SSBP2: variants seen among roughly 807,000 people sequenced by gnomAD.
The protein encoded by SSBP2 is single-stranded DNA-binding protein 2.
Under a neutral mutation model 61.8 loss-of-function variants are expected in SSBP2, and 17 were observed. That is an observed-to-expected ratio of 0.28 (90% confidence interval 0.19 to 0.41). The LOEUF (loss-of-function observed/expected upper bound fraction) is 0.41, where lower values mean the gene tolerates loss of function less well. Among genes scored for constraint, SSBP2 ranks in the 10% least tolerant of loss-of-function variants. SSBP2 has a pLI of 1.00. For synonymous variants in SSBP2, 139 were observed against 141.3 expected (o/e 0.98, Z 0.12); for missense variants, 310 against 458.7 (o/e 0.68, Z 2.96).
rs188944976 is a variant in SSBP2 at position 81,614,911 on chromosome 5, G to T, written c.282+562C>A. On this transcript the variant is annotated intron_variant, in intron 4 of 16. Coordinates refer to ENST00000320672, the MANE Select transcript of SSBP2 (RefSeq NM_012446.5). Reference sequence around the variant, plus strand: ...CTCAAGCCAAGGACACTCCACTGCCGTTCCTTAAGAATTAAAAAAAAAATT... The same window carrying T: ...CTCAAGCCAAGGACACTCCACTGCCTTTCCTTAAGAATTAAAAAAAAAATT... 3.3e-5 allele frequency: 5 copies of T among 151,808 alleles called. No homozygotes were observed. The East Asian group carries it at 7.7e-4, about 23-fold the overall frequency. 9.4% of individuals were successfully genotyped at this position (151,808 alleles called of 1,614,324 possible).
intron 6 of SSBP2, among the ~76,000 whole-genome samples, chr5:81,483,828 G>C (rs1264421311): frequency 6.6e-6 from 1 of 151,852 alleles, no homozygotes; most frequent in African/African-American, 2.4e-5. Context: ...CTGCAACTGT[G>C]CTGTTCAAAT....
At chr5:81,681,376 C>T (rs1011385534) in intron 1 of SSBP2, among the ~76,000 whole-genome samples, 23 of 151,690 alleles carry the variant, frequency 1.5e-4, no homozygotes, top group African/African-American at 5.1e-4. Flanking sequence ...AAAAATTAGC[C>T]GGGTGTGGTG....
At chr5:81,560,427 C>A (rs1260787729) in intron 4 of SSBP2, among the ~76,000 whole-genome samples, 1 of 152,044 alleles carries the variant, frequency 6.6e-6, no homozygotes, top group Admixed American at 6.6e-5. Context: ...GCTTTTCATG[C>A]CAAAACAAGG....
At chr5:81,649,231 A>G (rs1716488328) in intron 2 of SSBP2, among the ~76,000 whole-genome samples, 1 of 152,120 alleles carries the variant, frequency 6.6e-6, no homozygotes, top group Admixed American at 6.6e-5. Flanking sequence ...CAAATTTCTT[A>G]TAAGAATTAG....
intron 1 of SSBP2, among the ~76,000 whole-genome samples, chr5:81,655,890 G>A (rs1354528595): frequency 6.6e-6 from 1 of 152,152 alleles, no homozygotes; most frequent in Non-Finnish European, 1.5e-5. Flanking sequence ...TAGGCTTCAT[G>A]AATTCAATAT....
chr5:81,701,445 T>C (rs1753978168), intron 1 of SSBP2, among the ~76,000 whole-genome samples: 1 of 152,188 alleles, frequency 6.6e-6, no homozygotes. Flanking sequence ...AGTGAGCCCA[T>C]GTCCTTGGTA....
At chr5:81,621,959 G>T (rs1199573846) in intron 3 of SSBP2, among the ~76,000 whole-genome samples, 1 of 112,842 alleles carries the variant, frequency 8.9e-6, no homozygotes, top group Non-Finnish European at 1.8e-5. Flanking sequence ...ACTGTGGTGG[G>T]GTCGGGGGAG....
At chr5:81,635,054 T>C (rs1748075977) in intron 3 of SSBP2, among the ~76,000 whole-genome samples, 1 of 152,346 alleles carries the variant, frequency 6.6e-6, no homozygotes, top group Non-Finnish European at 1.5e-5. Flanking sequence ...ATCTGGCCCA[T>C]ACAAGACACT....
intron 1 of SSBP2, among the ~76,000 whole-genome samples, chr5:81,734,575 T>C (rs951140945): frequency 6.6e-6 from 1 of 152,228 alleles, no homozygotes; most frequent in African/African-American, 2.4e-5. Flanking sequence ...AGTGCAATCA[T>C]TGTCTCTCCT....
intron 10 of SSBP2, among the ~76,000 whole-genome samples, chr5:81,453,262 G>A (rs185374427): frequency 6.6e-6 from 1 of 152,138 alleles, no homozygotes; most frequent in East Asian, 1.9e-4. Flanking sequence ...TGCACCACTT[G>A]CACCACTGCA....
chr5:81,548,766 C>CA (rs1315731764), intron 4 of SSBP2, among the ~76,000 whole-genome samples: 1 of 151,964 alleles, frequency 6.6e-6, no homozygotes, highest in Admixed American at 6.6e-5. Flanking sequence ...ACTAAAAATA[C>CA]AAAAAATTAG....
chr5:81,581,202 TGTAA>T (rs1440767918), intron 4 of SSBP2, among the ~76,000 whole-genome samples: 1 of 152,176 alleles, frequency 6.6e-6, no homozygotes, highest in Non-Finnish European at 1.5e-5. Flanking sequence ...CAAGGTATGC[TGTAA>T]GTAAGATCGA....
intron 15 of SSBP2, among the ~76,000 whole-genome samples, chr5:81,435,231 T>G (rs968110741): frequency 1.3e-5 from 2 of 152,222 alleles, no homozygotes; most frequent in East Asian, 3.8e-4. Context: ...ATTCGTTTGA[T>G]CTCCTCGTTA....
intron 4 of SSBP2, among the ~76,000 whole-genome samples, chr5:81,525,069 G>A (rs961672490): frequency 5.3e-5 from 8 of 152,080 alleles, no homozygotes; most frequent in East Asian, 3.9e-4. Flanking sequence ...TTAGGATCTA[G>A]TTTTAATCCT....
intron 5 of SSBP2, 50 bp from the exon 6 acceptor site, chr5:81,489,359 A>C: frequency 6.9e-7 from 1 of 1,451,178 alleles, no homozygotes; most frequent in Non-Finnish European, 9.4e-7. Flanking sequence ...AGTACAATGT[A>C]AAATACATAT....
rs372153065 is a variant in SSBP2 at position 81,597,450 on chromosome 5, C to T, written c.282+18023G>A. ...TCAACCATTGTGGAAGTCAGTGTGA[C>T]GATTCCTCAGGGATCTAGAACTAGA... On this transcript the variant is annotated intron_variant, in intron 4 of 16. Transcript: ENST00000320672. 1.4e-3 allele frequency among the ~76,000 whole-genome samples: 206 copies of T among 152,256 alleles called. 4 individuals are homozygous for T. The East Asian group carries it at 0.03, about 22-fold the overall frequency.
intron 4 of SSBP2, among the ~76,000 whole-genome samples, chr5:81,587,923 C>CT (rs969862324): frequency 4.6e-5 from 7 of 152,130 alleles, no homozygotes; most frequent in African/African-American, 1.4e-4. Context: ...GGGCTTGCCA[C>CT]TATCTTAGTG....
At chr5:81,666,922 T>C (rs1751182792) in intron 1 of SSBP2, among the ~76,000 whole-genome samples, 1 of 152,188 alleles carries the variant, frequency 6.6e-6, no homozygotes. Flanking sequence ...AGTCTTGCTG[T>C]ACTCTATTTC....
chr5:81,569,329 A>G (rs1408735164), intron 4 of SSBP2, among the ~76,000 whole-genome samples: 2 of 152,170 alleles, frequency 1.3e-5, no homozygotes, highest in Non-Finnish European at 2.9e-5. Context: ...TCTTATTCCA[A>G]CATAAGCTTT....
Sources: gnomAD v4.1 joint callset for allele counts (sites outside exome capture counted in the v4.1 genomes callset) on GRCh38, gnomAD v4.1.1 for gene constraint, MANE v1.5 for transcripts, NCBI Gene and HGNC (gene_info 2026-07-23, HGNC 2026-07-21) for gene names.